Variants in APLP2 observed in about 807,000 individuals in gnomAD.
APLP2 encodes CDEI box-binding protein.
In APLP2, 53 loss-of-function variants were observed where a neutral mutation model predicts 89.9. The observed-to-expected ratio is 0.59, with a 90% CI of 0.47 to 0.74. The LOEUF is 0.74. Ranked by LOEUF, APLP2 falls within the 30% of genes least tolerant of loss-of-function variation. The probability of loss-of-function intolerance (pLI) is 0.00; values close to 1 mark genes in which losing one functional copy is unlikely to be tolerated. For synonymous variants in APLP2, 372 were observed against 348.6 expected (o/e 1.07, Z -0.75); for missense variants, 973 against 975.9 (o/e 1.00, Z 0.04).
rs1465078311 is a variant in APLP2, at chr11:130,071,327, C to T, written c.105+1245C>T. ...AACGGCTTAACACCTTTGTATTCAT[C>T]CAGTTTAAAGCTTTGTGACTGTGAG... is the stretch of plus-strand genomic sequence containing the variant. On this transcript the variant is annotated intron_variant, in intron 1 of 16. Coordinates refer to ENST00000338167, the MANE Select transcript of APLP2 (RefSeq NM_001142276.2). Among the ~76,000 whole-genome samples the T allele has an allele frequency of 3.3e-5, 5 of 152,288 alleles. No individual in the cohort carries two copies. The East Asian group carries it at 9.6e-4, about 29-fold the overall frequency.
intron 4 of APLP2, among the ~76,000 whole-genome samples, 193 bp from the exon 5 acceptor site, chr11:130,121,421 A>T (rs1269679634): frequency 1.3e-5 from 2 of 152,198 alleles, no homozygotes; most frequent in East Asian, 3.8e-4. Flanking sequence ...ATGTTTCCCC[A>T]TTGTAAATTA....
rs186660611 is a variant in APLP2, at chr11:130,080,973, G to A, written c.105+10891G>A. On this transcript the variant is annotated intron_variant, in intron 1 of 16. Transcript: ENST00000338167. Reference sequence around the variant, plus strand: ...CAAAGTGCTGGGATTACAGGCGTGAGCCACCACGTCCGGTCGTTGGATTTA... The same window carrying A: ...CAAAGTGCTGGGATTACAGGCGTGAACCACCACGTCCGGTCGTTGGATTTA... Among the ~76,000 whole-genome samples the A allele has an allele frequency of 1.9e-3, 294 of 151,918 alleles. 1 individual carries two copies. The highest frequency in any genetic ancestry group is 5.9e-3 in the African/African-American group (244 of 41,252).
Position 130,141,394 on chromosome 11 carries a change from T to C in APLP2, c.1924-104T>C. 2 of 947,766 alleles carry C rather than the reference T, an allele frequency of 2.1e-6. No individual in the cohort carries two copies. The highest frequency in any genetic ancestry group is 1.7e-6 in the Non-Finnish European group (1 of 599,796). 58.7% of individuals were successfully genotyped at this position (947,766 alleles called of 1,614,324 possible). On this transcript the variant is annotated intron_variant, in intron 14 of 16. Coordinates refer to ENST00000338167, the MANE Select transcript of APLP2 (RefSeq NM_001142276.2). This position sits in a 1 kb window ranked among gnomAD's most constrained non-coding sequence, Gnocchi z 4.2. ...GGTTAATGGGGGTCCCACAGGTACC[T>C]GCTTCCTTCCATCAAGCAGCAGGTA...
At chr11:130,128,952 G>A (rs1046718241) in intron 9 of APLP2, 96 bp from the exon 10 acceptor site, 2 of 1,375,526 alleles carry the variant, frequency 1.5e-6, no homozygotes, top group East Asian at 2.4e-5. Context: ...TGTCTCGCAT[G>A]GGCACTGACA....
intron 1 of APLP2, among the ~76,000 whole-genome samples, chr11:130,081,898 G>T (rs1465458451): frequency 6.6e-6 from 1 of 152,078 alleles, no homozygotes; most frequent in African/African-American, 2.4e-5. Context: ...GCATTTAAAA[G>T]AACCTCTGGA....
chr11:130,097,522 C>T (rs1290413036), intron 1 of APLP2, among the ~76,000 whole-genome samples: 5 of 152,158 alleles, frequency 3.3e-5, no homozygotes, highest in South Asian at 2.1e-4. Flanking sequence ...AGTGGGACCC[C>T]GTCTCTGCAA....
chr11:130,115,593 G>C (rs1395401832), intron 3 of APLP2, among the ~76,000 whole-genome samples: 1 of 152,218 alleles, frequency 6.6e-6, no homozygotes, highest in African/African-American at 2.4e-5. Flanking sequence ...AGCAAAAACA[G>C]TAGAGCTTTA....
chr11:130,126,614 C>T (rs1402437573), intron 7 of APLP2, 86 bp from the exon 8 acceptor site: 3 of 1,509,712 alleles, frequency 2.0e-6, no homozygotes, highest in Non-Finnish European at 2.7e-6. Flanking sequence ...AAATTGAGTC[C>T]ATCCTGCAGG....
chr11:130,136,317 AGG>A (rs1421579206), intron 13 of APLP2, among the ~76,000 whole-genome samples: 1 of 152,186 alleles, frequency 6.6e-6, no homozygotes, highest in Admixed American at 6.5e-5. Context: ...TGCTGCTGAC[AGG>A]GTAATGATAA....
At chr11:130,129,327 A>G in intron 10 of APLP2, 121 bp downstream of exon 10, 1 of 1,202,378 alleles carries the variant, frequency 8.3e-7, no homozygotes, top group Admixed American at 2.5e-5. Flanking sequence ...GAAGCTAAGG[A>G]AAGATGATGA....
At chr11:130,109,984 T>C (rs1248889840) in intron 2 of APLP2, among the ~76,000 whole-genome samples, 1 of 152,096 alleles carries the variant, frequency 6.6e-6, no homozygotes, top group African/African-American at 2.4e-5. Flanking sequence ...AAAGAGAAAA[T>C]GATAGGAGAT....
chr11:130,125,381 G>T (rs1035985861), intron 7 of APLP2, among the ~76,000 whole-genome samples: 2 of 152,064 alleles, frequency 1.3e-5, no homozygotes, highest in African/African-American at 2.4e-5. Context: ...TCACTGATCC[G>T]CATGATGGAC....
At chr11:130,108,445 A>G (rs1394788838) in intron 1 of APLP2, among the ~76,000 whole-genome samples, 1 of 152,252 alleles carries the variant, frequency 6.6e-6, no homozygotes, top group Non-Finnish European at 1.5e-5. Context: ...GCCAACAGAC[A>G]CATGAAGAAA....
chr11:130,135,754 G>T, intron 13 of APLP2, 39 bp downstream of exon 13: 1 of 1,606,800 alleles, frequency 6.2e-7, no homozygotes. Flanking sequence ...GGCAGCAGGG[G>T]GAGGACAAAA....
chr11:130,130,841 C>T (rs1006719949), intron 11 of APLP2, among the ~76,000 whole-genome samples: 1 of 152,184 alleles, frequency 6.6e-6, no homozygotes, highest in Non-Finnish European at 1.5e-5. Context: ...ACTTACTGCA[C>T]GGGTGCTGGC....
At chr11:130,077,292 ATG>A (rs1429563360) in intron 1 of APLP2, among the ~76,000 whole-genome samples, 2 of 152,218 alleles carry the variant, frequency 1.3e-5, no homozygotes, top group South Asian at 2.1e-4. Context: ...ATGGTGAAGA[ATG>A]TGAAAAATTT....
intron 3 of APLP2, among the ~76,000 whole-genome samples, chr11:130,118,853 G>A (rs1949507582): frequency 6.6e-6 from 1 of 152,186 alleles, no homozygotes; most frequent in African/African-American, 2.4e-5. Context: ...GTCACATTGA[G>A]CTGTGTGATC....
intron 11 of APLP2, among the ~76,000 whole-genome samples, chr11:130,131,232 G>T (rs1358804209): frequency 6.6e-6 from 1 of 152,144 alleles, no homozygotes; most frequent in Non-Finnish European, 1.5e-5. Flanking sequence ...CCAAGTAGCT[G>T]GGATTACAGG....
At chr11:130,125,735 A>G (rs1270872136) in intron 7 of APLP2, among the ~76,000 whole-genome samples, 1 of 152,184 alleles carries the variant, frequency 6.6e-6, no homozygotes, top group African/African-American at 2.4e-5. Context: ...TTCACTCTCC[A>G]CTTAGCTCTG....
Sources: gnomAD v4.1 joint callset for allele counts (sites outside exome capture counted in the v4.1 genomes callset) on GRCh38, gnomAD v4.1.1 for gene constraint, Gnocchi (gnomAD v3.1) non-coding constraint, MANE v1.5 for transcripts, NCBI Gene and HGNC (gene_info 2026-07-23, HGNC 2026-07-21) for gene names.